TENM1: variants seen among roughly 807,000 people sequenced by gnomAD.
TENM1 encodes teneurin transmembrane protein 1.
Under a neutral mutation model 174.8 loss-of-function variants are expected in TENM1, and 35 were observed. The ratio of observed to expected loss-of-function variants is 0.20; its 90% CI spans 0.15 to 0.27. The LOEUF (loss-of-function observed/expected upper bound fraction) is 0.27. Ranked by LOEUF, TENM1 falls within the 10% of genes least tolerant of loss-of-function variation. TENM1 has a pLI of 1.00. For synonymous variants in TENM1, 781 were observed against 798.7 expected (o/e 0.98, Z 0.37); for missense variants, 1,633 against 2,130.1 (o/e 0.77, Z 4.59).
At chrX:124,545,713 G>T (rs1027460880) in intron 15 of TENM1, among the ~76,000 whole-genome samples, 72 of 111,512 alleles carry the variant, frequency 6.5e-4, no homozygotes, top group African/African-American at 2.3e-3. Flanking sequence ...TCACTGCAGA[G>T]TTGTTATTGA....
chrX:124,794,028 A>G (rs1438896444), intron 3 of TENM1, among the ~76,000 whole-genome samples: 2 of 110,222 alleles, frequency 1.8e-5, no homozygotes, highest in Non-Finnish European at 3.8e-5. Context: ...TTAAATAAAA[A>G]CCTTCTGTAT....
the TENM1 span, among the ~76,000 whole-genome samples, chrX:125,122,016 G>A: frequency 8.9e-6 from 1 of 112,307 alleles, no homozygotes; most frequent in Non-Finnish European, 1.9e-5. Context: ...TGAGGCTGCA[G>A]GGAGCTATGC....
chrX:125,142,558 T>TA, the TENM1 span, among the ~76,000 whole-genome samples: 2 of 109,725 alleles, frequency 1.8e-5, no homozygotes, highest in African/African-American at 6.6e-5. Flanking sequence ...AAATTTTACT[T>TA]AAAAACATTA....
intron 15 of TENM1, among the ~76,000 whole-genome samples, chrX:124,542,029 C>A (rs2048330732): frequency 8.9e-6 from 1 of 112,097 alleles, no homozygotes; most frequent in African/African-American, 3.2e-5. Context: ...CCCAAGTAGT[C>A]AAATAGAGAG....
At chrX:124,908,775 G>A (rs1373226682) in intron 1 of TENM1, among the ~76,000 whole-genome samples, 1 of 110,762 alleles carries the variant, frequency 9.0e-6, no homozygotes, top group Non-Finnish European at 1.9e-5. Flanking sequence ...CATGAATTTA[G>A]CATTTTCTAT....
chrX:124,848,645 AT>A (rs752352626), intron 3 of TENM1, among the ~76,000 whole-genome samples: 50 of 111,260 alleles, frequency 4.5e-4, no homozygotes, highest in Non-Finnish European at 8.5e-4. Flanking sequence ...CCACAGGTAC[AT>A]AAATATGTAC....
the TENM1 span, among the ~76,000 whole-genome samples, chrX:125,009,048 G>A: frequency 1.9e-5 from 2 of 104,967 alleles, no homozygotes; most frequent in East Asian, 3.0e-4. Context: ...AGAACTGAAG[G>A]AGACAGAGAC....
the TENM1 span, among the ~76,000 whole-genome samples, chrX:125,056,923 C>T: frequency 9.0e-6 from 1 of 111,575 alleles, no homozygotes; most frequent in Non-Finnish European, 1.9e-5. Flanking sequence ...CTGTCTTCAA[C>T]AGACTTGACT....
chrX:124,593,051 G>A (rs1403730640), intron 11 of TENM1, among the ~76,000 whole-genome samples: 1 of 111,431 alleles, frequency 9.0e-6, no homozygotes, highest in Non-Finnish European at 1.9e-5. Context: ...AGAGTGCTCT[G>A]AACTCTGCTC....
rs200953009 is a variant in TENM1, at chrX:124,852,352, CAT to C, written c.535+41942_535+41943del. Among the ~76,000 whole-genome samples the C allele has an allele frequency of 7.0e-3, 766 of 109,537 alleles. 5 individuals are homozygous for C. Among genetic ancestry groups the C allele is most frequent in the African/African-American group, 0.024 (712 of 30,170 alleles). On this transcript the variant is annotated intron_variant, in intron 3 of 31. Transcript: ENST00000422452. ...AAATCAGGTAACTATTATTATATCA[CAT>C]GTGAAAAATTATGAGGGCTGGAGGT...
chrX:124,846,947 G>A (rs1182846420), intron 3 of TENM1, among the ~76,000 whole-genome samples: 2 of 111,660 alleles, frequency 1.8e-5, no homozygotes, highest in Non-Finnish European at 3.8e-5. Context: ...TATAACATTA[G>A]CACGGTAAAC....
chrX:124,599,692 G>A (rs761780210), intron 11 of TENM1, among the ~76,000 whole-genome samples: 4 of 111,363 alleles, frequency 3.6e-5, no homozygotes, highest in Non-Finnish European at 3.8e-5. Context: ...AGTCAAGTAG[G>A]GTGAACATTA....
the TENM1 span, among the ~76,000 whole-genome samples, chrX:125,050,429 G>T: frequency 9.2e-6 from 1 of 109,197 alleles, no homozygotes; most frequent in Non-Finnish European, 1.9e-5. Context: ...TTTTGTCCTT[G>T]CAATAGTTTG....
Position 124,806,700 on chromosome X carries a change from C to T in TENM1, c.536-69503G>A, listed in dbSNP as rs767610946. Among the ~76,000 whole-genome samples the T allele has an allele frequency of 2.7e-5, 3 of 111,925 alleles. No homozygotes were observed. The South Asian group carries it at 1.1e-3, about 42-fold the overall frequency. On this transcript the variant is annotated intron_variant, in intron 3 of 31. Transcript: ENST00000422452. ...CTTGAGACTCCGTAATTTATAAAGA[C>T]AAGCAATTTAATTAGCTCATGGTTT...
At chrX:124,749,970 T>C (rs1318841774) in intron 3 of TENM1, among the ~76,000 whole-genome samples, 1 of 112,131 alleles carries the variant, frequency 8.9e-6, no homozygotes, top group Non-Finnish European at 1.9e-5. Context: ...TTAATGTTAG[T>C]TACTAATATA....
chrX:124,952,368 G>A (rs1603290282), intron 1 of TENM1, among the ~76,000 whole-genome samples: 1 of 103,036 alleles, frequency 9.7e-6, no homozygotes, highest in Non-Finnish European at 2.0e-5. Flanking sequence ...GTGTGTGTGT[G>A]TATGTGCATC....
chrX:124,484,381 C>T (rs956135872), intron 21 of TENM1, among the ~76,000 whole-genome samples: 13 of 111,772 alleles, frequency 1.2e-4, no homozygotes, highest in Non-Finnish European at 2.3e-4. Flanking sequence ...AAGGAAGTAA[C>T]TATGCGTAGC....
At chrX:124,831,575 C>T (rs1373042747) in intron 3 of TENM1, among the ~76,000 whole-genome samples, 2 of 111,831 alleles carry the variant, frequency 1.8e-5, no homozygotes, top group Non-Finnish European at 3.8e-5. Flanking sequence ...AGAAGAACTT[C>T]GGAATTATCT....
intron 27 of TENM1, among the ~76,000 whole-genome samples, chrX:124,403,007 C>G (rs985138134): frequency 8.9e-6 from 1 of 111,803 alleles, no homozygotes; most frequent in East Asian, 2.8e-4. Context: ...GCTACCCACA[C>G]ATTGGTTTGA....
Sources: gnomAD v4.1 joint callset for allele counts (sites outside exome capture counted in the v4.1 genomes callset) on GRCh38, gnomAD v4.1.1 for gene constraint, MANE v1.5 for transcripts, NCBI Gene and HGNC (gene_info 2026-07-23, HGNC 2026-07-21) for gene names.